The following KCTD5 variants were observed in gnomAD, a reference collection of about 807,000 sequenced individuals.
The protein encoded by KCTD5 is potassium channel tetramerization domain containing 5, also known as BTB/POZ domain-containing protein KCTD5.
In KCTD5, 12 loss-of-function variants were observed where a neutral mutation model predicts 27.9. The ratio of observed to expected loss-of-function variants is 0.43; its 90% CI spans 0.28 to 0.70. The LOEUF is 0.70. KCTD5 is among the 30% of genes least tolerant of loss of function. The probability of loss-of-function intolerance (pLI) is 0.19; values close to 1 mark genes in which losing one functional copy is unlikely to be tolerated. For missense variants in KCTD5, 226 were observed against 274.8 expected, an observed-to-expected ratio of 0.82 and a Z score of 1.26; for synonymous variants, 147 against 121.4, an observed-to-expected ratio of 1.21 and a Z score of -1.39.
In KCTD5 at chr16:2,707,454, G is replaced by T. The variant is rs752003317; in HGVS notation, c.*127G>T. 7 of 1,028,416 alleles carry T rather than the reference G, an allele frequency of 6.8e-6. No homozygotes were observed. The highest frequency in any genetic ancestry group is 3.7e-5 in the Admixed American group (2 of 54,400). The allele number at this position is 1,028,416 out of a possible 1,614,324, so 63.7% of individuals were successfully genotyped here. ...ATCATTTTTCTAGAGATCTGGGTGT[G>T]AATCCTTTTTTGCCTCTGAGGTGGG... On this transcript the variant is annotated 3_prime_UTR_variant, in exon 6 of 6. Transcript: ENST00000301738.
chr16:2,701,140 A>G (rs1025704511), intron 4 of KCTD5, among the ~76,000 whole-genome samples: 1 of 152,112 alleles, frequency 6.6e-6, no homozygotes, highest in Non-Finnish European at 1.5e-5. Flanking sequence ...GGAGGGAACA[A>G]TGTCTCCTGC....
intron 1 of KCTD5, among the ~76,000 whole-genome samples, chr16:2,685,321 G>T (rs959693011): frequency 6.6e-6 from 1 of 151,796 alleles, no homozygotes; most frequent in African/African-American, 2.4e-5. Flanking sequence ...CCAGCTACTC[G>T]GGAGGCTGAG....
At chr16:2,699,948 A>G in intron 4 of KCTD5, 32 bp downstream of exon 4, 3 of 1,589,150 alleles carry the variant, frequency 1.9e-6, no homozygotes, top group Non-Finnish European at 2.6e-6. Context: ...GGTGGCAGCC[A>G]TGCTGCAGCT....
chr16:2,702,272 G>GCGT, intron 4 of KCTD5, 81 bp from the exon 5 acceptor site: 1 of 1,566,382 alleles, frequency 6.4e-7, no homozygotes. Context: ...GGTGGCAGGC[G>GCGT]CGTCCTGAGG....
intron 4 of KCTD5, among the ~76,000 whole-genome samples, chr16:2,700,242 C>T (rs1236273325): frequency 1.3e-5 from 2 of 152,232 alleles, no homozygotes; most frequent in Non-Finnish European, 1.5e-5. Flanking sequence ...GCCTCCTGGC[C>T]AGCCCACTAT....
intron 5 of KCTD5, 101 bp downstream of exon 5, chr16:2,702,579 G>A: frequency 1.4e-6 from 2 of 1,467,542 alleles, no homozygotes; most frequent in Non-Finnish European, 1.8e-6. Flanking sequence ...CAAGCTCCCG[G>A]TGTCCGCCCC....
At chr16:2,705,716 C>T (rs2067632791) in intron 5 of KCTD5, among the ~76,000 whole-genome samples, 1 of 152,168 alleles carries the variant, frequency 6.6e-6, no homozygotes. Context: ...CCTCAAGGGC[C>T]CCCTGGTTGG....
At chr16:2,696,292 C>G (rs2067585872) in intron 2 of KCTD5, among the ~76,000 whole-genome samples, 1 of 151,832 alleles carries the variant, frequency 6.6e-6, no homozygotes, top group South Asian at 2.1e-4. Context: ...GGAGGGCTCC[C>G]TCTGTCCAGG....
chr16:2,687,853 G>A lies in KCTD5; in HGVS notation c.252+5053G>A, dbSNP rs2142051970. Among the ~76,000 whole-genome samples, 2 of 152,254 alleles carry A rather than the reference G, an allele frequency of 1.3e-5. 1 individual carries two copies. Among genetic ancestry groups the A allele is most frequent in the South Asian group, 4.1e-4 (2 of 4,830 alleles). On this transcript the variant is annotated intron_variant, in intron 1 of 5. Transcript: ENST00000301738. Reference sequence around the variant, plus strand: ...GTCCTTGTAGCAAAGGTGCCAGCAAGCCATCTCTCTCCCAGGACATGCTTG... The same window carrying A: ...GTCCTTGTAGCAAAGGTGCCAGCAAACCATCTCTCTCCCAGGACATGCTTG...
At chr16:2,685,967 T>A (rs1439155961) in intron 1 of KCTD5, 1 of 151,714 alleles carries the variant, frequency 6.6e-6, no homozygotes, top group Non-Finnish European at 1.5e-5. Flanking sequence ...TTTGGGTGCC[T>A]GAGAGGTTGG....
At chr16:2,701,066 G>A (rs762551065) in intron 4 of KCTD5, among the ~76,000 whole-genome samples, 4 of 152,200 alleles carry the variant, frequency 2.6e-5, no homozygotes, top group South Asian at 2.1e-4. Flanking sequence ...CTCGGGGTCC[G>A]CGAACAGGGC....
chr16:2,688,225 A>G, intron 1 of KCTD5, among the ~76,000 whole-genome samples: 1 of 79,782 alleles, frequency 1.3e-5, no homozygotes, highest in East Asian at 2.4e-4. Flanking sequence ...AAATAAATAA[A>G]TAAATATATA....
At chr16:2,686,886 T>C (rs1167756346) in intron 1 of KCTD5, among the ~76,000 whole-genome samples, 1 of 152,136 alleles carries the variant, frequency 6.6e-6, no homozygotes, top group African/African-American at 2.4e-5. Context: ...CTAGTGGAGA[T>C]GGCAGATGAT....
chr16:2,699,910 C>T lies in KCTD5; in HGVS notation c.543C>T (p.Phe181=), dbSNP rs543168358. The change falls in exon 4 of 6, where the codon TTC becomes TTT. Residue 181 remains phenylalanine, a synonymous_variant. Transcript: ENST00000301738. ...MVSTMSDGWK[F]EQLVSIGSSY... ...CCACCATGTCCGACGGCTGGAAGTT[C>T]GAGCAGGTGAGGGGCCCTGGCCAGC... 26 of 1,613,724 alleles carry T rather than the reference C, an allele frequency of 1.6e-5. No individual in the cohort carries two copies. The highest frequency in any genetic ancestry group is 1.7e-4 in the Middle Eastern group (1 of 6,060).
intron 3 of KCTD5, among the ~76,000 whole-genome samples, chr16:2,698,660 C>T (rs770024824): frequency 2.2e-4 from 33 of 151,250 alleles, no homozygotes; most frequent in Non-Finnish European, 3.1e-4. Context: ...GCACTGTGGC[C>T]GCGGCTGCCA....
intron 1 of KCTD5, among the ~76,000 whole-genome samples, chr16:2,687,563 G>A (rs1425522105): frequency 6.6e-6 from 1 of 152,200 alleles, no homozygotes; most frequent in Admixed American, 6.5e-5. Context: ...ATTTGCTTAC[G>A]GATTGTGTGT....
At chr16:2,706,049 A>T (rs1308961405) in intron 5 of KCTD5, among the ~76,000 whole-genome samples, 3 of 151,996 alleles carry the variant, frequency 2.0e-5, no homozygotes, top group Non-Finnish European at 2.9e-5. Context: ...CTTGGGAATC[A>T]CCCTGGCCCA....
intron 5 of KCTD5, among the ~76,000 whole-genome samples, chr16:2,704,533 C>T (rs764368091): frequency 6.6e-6 from 1 of 152,378 alleles, no homozygotes; most frequent in East Asian, 1.9e-4. Flanking sequence ...GCAGAGCTCA[C>T]TGAGAGCGCT....
At position 2,708,487 on chromosome 16, in the gene KCTD5, C is replaced by T. The variant is rs757684757; in HGVS notation, c.*1160C>T. Reference sequence around the variant, plus strand: ...CTCGGCGTGCAGGGCGGGCTCCAAGCGCTTTGCTTCCGGAACTCCGGCTTC... The same window carrying T: ...CTCGGCGTGCAGGGCGGGCTCCAAGTGCTTTGCTTCCGGAACTCCGGCTTC... On this transcript the variant is annotated 3_prime_UTR_variant, in exon 6 of 6. Transcript: ENST00000301738. The T allele has an allele frequency of 3.3e-5, 5 of 152,394 alleles. No homozygotes were observed. The highest frequency in any genetic ancestry group is 7.3e-5 in the Non-Finnish European group (5 of 68,070). The allele number at this position is 152,394 out of a possible 1,614,324, so 9.4% of individuals were successfully genotyped here.
Sources: gnomAD v4.1 joint callset for allele counts (sites outside exome capture counted in the v4.1 genomes callset) on GRCh38, gnomAD v4.1.1 for gene constraint, MANE v1.5 for transcripts, NCBI Gene and HGNC (gene_info 2026-07-23, HGNC 2026-07-21) for gene names.